Variants in DPP6 observed in about 807,000 individuals in gnomAD.
The protein encoded by DPP6 is dipeptidyl peptidase like 6, also known as A-type potassium channel modulatory protein DPP6.
A neutral mutation model predicts 122.6 loss-of-function variants in DPP6; 69 were observed. The observed-to-expected ratio is 0.56, with a 90% CI of 0.46 to 0.69. The LOEUF (loss-of-function observed/expected upper bound fraction) is 0.69. DPP6 is among the 30% of genes least tolerant of loss of function. The pLI is 0.00. For missense variants in DPP6, 928 were observed against 1,116.9 expected (o/e 0.83, Z 2.41); for synonymous variants, 418 against 433.1 (o/e 0.97, Z 0.43).
intron 1 of DPP6, among the ~76,000 whole-genome samples, chr7:153,888,538 CACGGG>C (rs1799046046): frequency 6.6e-6 from 1 of 152,218 alleles, no homozygotes; most frequent in Non-Finnish European, 1.5e-5. Flanking sequence ...TAGTCCGGGG[CACGGG>C]GCCGAGGGGT....
chr7:154,856,657 A>G (rs1802856514), intron 17 of DPP6, among the ~76,000 whole-genome samples: 1 of 152,210 alleles, frequency 6.6e-6, no homozygotes, highest in South Asian at 2.1e-4. Context: ...AGGACTGGCT[A>G]CTACATTAAC....
intron 7 of DPP6, among the ~76,000 whole-genome samples, chr7:154,699,081 C>G (rs1341632028): frequency 1.3e-5 from 2 of 152,160 alleles, no homozygotes; most frequent in East Asian, 3.9e-4. Flanking sequence ...GAAGCAGACA[C>G]TGTCTGAGAA....
chr7:154,826,371 A>C (rs1800143307), intron 16 of DPP6, among the ~76,000 whole-genome samples: 2 of 152,216 alleles, frequency 1.3e-5, no homozygotes, highest in South Asian at 4.1e-4. Context: ...TGAAAATATT[A>C]GCATGGGTGA....
Position 154,552,363 on chromosome 7 carries a change from T to C in DPP6, c.552+11737T>C, listed in dbSNP as rs78602748. 1.1e-4 allele frequency among the ~76,000 whole-genome samples: 17 copies of C among 152,312 alleles called. No homozygotes were observed. The East Asian group carries it at 3.3e-3, about 29-fold the overall frequency. ...TTCAAACAAAAACCCTTACCTTGGATTGGTAAGAGGGATACTCGTTCTGAG... is the reference window on the plus strand; with the variant it reads ...TTCAAACAAAAACCCTTACCTTGGACTGGTAAGAGGGATACTCGTTCTGAG... On this transcript the variant is annotated intron_variant, in intron 4 of 25. Coordinates refer to ENST00000377770, the MANE Select transcript of DPP6 (RefSeq NM_130797.4).
chr7:154,416,189 C>G (rs1186425035), intron 1 of DPP6, among the ~76,000 whole-genome samples: 2 of 152,154 alleles, frequency 1.3e-5, no homozygotes, highest in Non-Finnish European at 2.9e-5. Flanking sequence ...CTGTGTCCAG[C>G]ATCTCAGGCT....
At chr7:154,210,865 C>T (rs950742024) in intron 1 of DPP6, among the ~76,000 whole-genome samples, 1 of 151,962 alleles carries the variant, frequency 6.6e-6, no homozygotes, top group African/African-American at 2.4e-5. Flanking sequence ...AAAAGGCAGC[C>T]GTAATCGTTA....
chr7:153,950,391 C>G (rs979383515), intron 1 of DPP6, among the ~76,000 whole-genome samples: 2 of 152,084 alleles, frequency 1.3e-5, no homozygotes, highest in African/African-American at 4.8e-5. Context: ...AATTGGAAGC[C>G]TGGTTTTGAA....
chr7:154,266,653 TTAAC>T (rs1251928718), intron 1 of DPP6, among the ~76,000 whole-genome samples: 1 of 152,226 alleles, frequency 6.6e-6, no homozygotes, highest in Non-Finnish European at 1.5e-5. Flanking sequence ...AATTCATTGG[TTAAC>T]TAACAGTGCT....
intron 7 of DPP6, among the ~76,000 whole-genome samples, chr7:154,671,551 G>C (rs576210849): frequency 1.8e-4 from 27 of 152,262 alleles, no homozygotes; most frequent in Admixed American, 1.8e-3. Context: ...TCCCGTAGTA[G>C]AGTTGGTACT....
intron 17 of DPP6, among the ~76,000 whole-genome samples, chr7:154,860,489 G>A (rs899200489): frequency 6.6e-6 from 1 of 152,206 alleles, no homozygotes; most frequent in African/African-American, 2.4e-5. Context: ...GAAAGGATGA[G>A]AGTCTGGACC....
At chr7:154,668,311 C>T (rs550516899) in intron 6 of DPP6, among the ~76,000 whole-genome samples, 12 of 148,090 alleles carry the variant, frequency 8.1e-5, no homozygotes, top group South Asian at 4.4e-4. Flanking sequence ...AGCTCTGCCT[C>T]CCGGGTTCAC....
the DPP6 span, among the ~76,000 whole-genome samples, chr7:153,858,141 C>T: frequency 6.6e-6 from 1 of 152,100 alleles, no homozygotes; most frequent in Non-Finnish European, 1.5e-5. Context: ...TTCTCTTTCC[C>T]CTTCTTTCTT....
chr7:154,824,252 G>T (rs1799990701), intron 16 of DPP6, among the ~76,000 whole-genome samples: 1 of 53,632 alleles, frequency 1.9e-5, no homozygotes, highest in Non-Finnish European at 4.9e-5. Context: ...GAATGTTTTT[G>T]TTGTTGTTGT....
At chr7:154,506,648 T>A (rs1241528736) in intron 3 of DPP6, among the ~76,000 whole-genome samples, 1 of 152,166 alleles carries the variant, frequency 6.6e-6, no homozygotes, top group Non-Finnish European at 1.5e-5. Context: ...AGCAACTTCT[T>A]CATTCTTTCA....
chr7:154,438,499 A>G (rs1819090171), intron 1 of DPP6, among the ~76,000 whole-genome samples: 2 of 132,696 alleles, frequency 1.5e-5, no homozygotes, highest in South Asian at 2.3e-4. Context: ...AAAAAAAAAG[A>G]AAAGAAAAAA....
At chr7:154,595,001 A>G (rs555424617) in intron 5 of DPP6, among the ~76,000 whole-genome samples, 35 of 141,002 alleles carry the variant, frequency 2.5e-4, no homozygotes, top group African/African-American at 8.1e-4. Context: ...TTAAACCCCA[A>G]TTGTATCATT....
At chr7:154,569,525 G>A (rs981012176) in intron 5 of DPP6, among the ~76,000 whole-genome samples, 69 of 151,696 alleles carry the variant, frequency 4.5e-4, no homozygotes, top group African/African-American at 1.5e-3. Context: ...TTGTTATTTG[G>A]ATTCATGCTC....
At chr7:154,024,769 G>T (rs778682649) in intron 1 of DPP6, among the ~76,000 whole-genome samples, 16 of 152,208 alleles carry the variant, frequency 1.1e-4, no homozygotes, top group Non-Finnish European at 2.2e-4. Context: ...TTGTCTCCCC[G>T]TGAGTGTGAG....
At chr7:154,133,509 G>A (rs1469303506) in intron 1 of DPP6, among the ~76,000 whole-genome samples, 2 of 152,170 alleles carry the variant, frequency 1.3e-5, no homozygotes, top group African/African-American at 2.4e-5. Flanking sequence ...TGCTTTGAAA[G>A]TGGACACAGG....
Sources: gnomAD v4.1 joint callset for allele counts (sites outside exome capture counted in the v4.1 genomes callset) on GRCh38, gnomAD v4.1.1 for gene constraint, MANE v1.5 for transcripts, NCBI Gene and HGNC (gene_info 2026-07-23, HGNC 2026-07-21) for gene names.